The following FOXP2 variants were observed in gnomAD, a reference collection of about 807,000 sequenced individuals.
FOXP2 encodes the protein forkhead box protein P2.
A neutral mutation model predicts 115.8 loss-of-function variants in FOXP2; 12 were observed. The ratio of observed to expected loss-of-function variants is 0.10; its 90% CI spans 0.07 to 0.17. The LOEUF is 0.17. Among genes scored for constraint, FOXP2 ranks in the 10% least tolerant of loss-of-function variants. The pLI, the probability that FOXP2 is intolerant of heterozygous loss-of-function variation, is 1.00. For synonymous variants in FOXP2, 328 were observed against 297.7 expected (o/e 1.10, Z -1.05); for missense variants, 629 against 843.5 (o/e 0.75, Z 3.15).
At position 114,198,090 on chromosome 7, in the gene FOXP2, C is replaced by CTTGGCTCCAGTGA. The variant is rs1213884868; in HGVS notation, c.-102+35004_-102+35016dup. On this transcript the variant is annotated intron_variant, in intron 1 of 17. Transcript: ENST00000634411. ...TGTTACCTAGCCTGGTCTCAAACTCCTTGGCTCCAGTGATCCGCCCATGTC... is the reference window on the plus strand; with the variant it reads ...TGTTACCTAGCCTGGTCTCAAACTCCTTGGCTCCAGTGATTGGCTCCAGTGATCCGCCCATGTC... 2.1e-4 allele frequency among the ~76,000 whole-genome samples: 32 copies of CTTGGCTCCAGTGA among 152,216 alleles called. 1 individual carries two copies. Among genetic ancestry groups the CTTGGCTCCAGTGA allele is most frequent in the African/African-American group, 6.7e-4 (28 of 41,550 alleles).
chr7:114,396,487 T>A (rs1792744496), intron 2 of FOXP2, among the ~76,000 whole-genome samples: 1 of 152,164 alleles, frequency 6.6e-6, no homozygotes, highest in African/African-American at 2.4e-5. Context: ...ACATACTGAT[T>A]TCATTTTCTT....
chr7:114,541,366 G>T (rs80290540), intron 3 of FOXP2, among the ~76,000 whole-genome samples: 12,799 of 151,980 alleles, frequency 0.084, 605 homozygotes, highest in Middle Eastern at 0.16. Flanking sequence ...GAGACAAGAG[G>T]GGACTAGAGC....
In FOXP2 at chr7:114,506,172, C is replaced by G. The variant is rs75121719; in HGVS notation, c.169-28445C>G. On this transcript the variant is annotated intron_variant, in intron 2 of 16. Transcript: ENST00000350908. ...AAAACAGTAATGATTATTGTTTATT[C>G]ATACTAAGGAGACATGAACAATGAC... 5.5e-3 allele frequency among the ~76,000 whole-genome samples: 841 copies of G among 151,706 alleles called. 13 individuals are homozygous for G. Among genetic ancestry groups the G allele is most frequent in the African/African-American group, 0.019 (786 of 41,504 alleles).
chr7:114,339,495 C>T (rs1399955940), intron 2 of FOXP2, among the ~76,000 whole-genome samples: 13 of 150,788 alleles, frequency 8.6e-5, no homozygotes, highest in Middle Eastern at 3.4e-3. Flanking sequence ...CTTTTTCTTT[C>T]GTATGTTTAG....
At chr7:114,121,506 CA>C (rs1791565691) in intron 1 of FOXP2, among the ~76,000 whole-genome samples, 1 of 152,094 alleles carries the variant, frequency 6.6e-6, no homozygotes. Context: ...ACCTAGTTGG[CA>C]GTGGATATAT....
intron 3 of FOXP2, among the ~76,000 whole-genome samples, chr7:114,614,569 C>T (rs558420310): frequency 3.3e-5 from 5 of 151,850 alleles, no homozygotes; most frequent in South Asian, 2.1e-4. Context: ...TTAGGTGGAC[C>T]GCACCTCCTT....
intron 2 of FOXP2, among the ~76,000 whole-genome samples, chr7:114,384,734 CT>C (rs1177707807): frequency 6.6e-6 from 1 of 151,618 alleles, no homozygotes; most frequent in Non-Finnish European, 1.5e-5. Context: ...AGTAAGCTAC[CT>C]TTTTGCTTTT....
chr7:114,524,680 T>A (rs1445217905), intron 2 of FOXP2, among the ~76,000 whole-genome samples: 1 of 152,174 alleles, frequency 6.6e-6, no homozygotes, highest in Non-Finnish European at 1.5e-5. Flanking sequence ...CACTTAATCA[T>A]TAATTTTTCT....
At chr7:114,163,200 A>T (rs1478037277) in intron 1 of FOXP2, 1 of 152,124 alleles carries the variant, frequency 6.6e-6, no homozygotes, top group Non-Finnish European at 1.5e-5. Context: ...TCTACAAAAT[A>T]TGCAGGTGTT....
At chr7:114,468,033 A>G (rs534148256) in intron 2 of FOXP2, among the ~76,000 whole-genome samples, 2 of 152,224 alleles carry the variant, frequency 1.3e-5, no homozygotes, top group South Asian at 2.1e-4. Context: ...CAATGTATAC[A>G]TATGTTAATG....
upstream of FOXP2, among the ~76,000 whole-genome samples, chr7:114,161,654 G>GCATATATATATATATATATATATA (rs1554424363): frequency 2.6e-5 from 4 of 151,436 alleles, no homozygotes; most frequent in African/African-American, 9.8e-5. Flanking sequence ...GTGTGTGCGT[G>GCATATATATATATATATATATATA]TATATATATA....
chr7:114,683,365 G>A lies in FOXP2; in HGVS notation c.2004-6417G>A, dbSNP rs72603576. Among the ~76,000 whole-genome samples the A allele has an allele frequency of 0.033, 5,063 of 152,218 alleles. 425 individuals carry two copies. The East Asian group carries it at 0.35, about 10-fold the overall frequency. ...CAGTGCATGTGATTAAGGCAATATG[G>A]GGTAGCAGAAATAACAAGGTTCCAA... On this transcript the variant is annotated intron_variant, in intron 16 of 16. Coordinates refer to ENST00000350908, the MANE Select transcript of FOXP2 (RefSeq NM_014491.4).
Position 114,580,740 on chromosome 7 carries a change from T to C in FOXP2, c.258+46034T>C, listed in dbSNP as rs1353471268. On this transcript the variant is annotated intron_variant, in intron 3 of 16. Transcript: ENST00000350908. ...TGTATTTGGCAGGTTGTGACCCTGG[T>C]GATACCTAAAACACAAAAATAGCAA... is the stretch of plus-strand genomic sequence containing the variant. Among the ~76,000 whole-genome samples the C allele has an allele frequency of 3.9e-5, 6 of 152,192 alleles. No homozygotes were observed. The East Asian group carries it at 5.8e-4, about 15-fold the overall frequency.
intron 1 of FOXP2, among the ~76,000 whole-genome samples, chr7:114,156,965 G>C (rs1792688704): frequency 6.6e-6 from 1 of 152,048 alleles, no homozygotes; most frequent in Admixed American, 6.6e-5. Flanking sequence ...TTTTATAAAA[G>C]CCAATGACTT....
intron 2 of FOXP2, among the ~76,000 whole-genome samples, chr7:114,330,072 A>G (rs747696714): frequency 1.3e-5 from 2 of 152,086 alleles, no homozygotes; most frequent in Non-Finnish European, 2.9e-5. Context: ...TTTCATCACA[A>G]TGAGTAATTC....
chr7:114,642,507 C>A lies in FOXP2; in HGVS notation c.873C>A (p.Leu291=). ...GCATTAAACATGGAGGGCTAGACCT[C>A]ACTACTAACAATTCCTCCTCGACTA... is the stretch of plus-strand genomic sequence containing the variant. ...DNGIKHGGLD[L]TTNNSSSTTS... Residue 291 remains leucine (L), a synonymous_variant, in exon 7 of 17, where the codon CTC becomes CTA. Coordinates refer to ENST00000350908, the MANE Select transcript of FOXP2 (RefSeq NM_014491.4). 6.2e-7 allele frequency: 1 copy of A among 1,613,820 alleles called. No homozygotes were observed. Among genetic ancestry groups the A allele is most frequent in the East Asian group, 2.2e-5 (1 of 44,826 alleles).
chr7:114,262,045 C>T (rs921762971), intron 1 of FOXP2, among the ~76,000 whole-genome samples: 5 of 151,642 alleles, frequency 3.3e-5, no homozygotes, highest in Non-Finnish European at 7.4e-5. Context: ...GTGATAAGAG[C>T]GAGACTCTGT....
At chr7:114,395,349 T>C (rs1792711648) in intron 2 of FOXP2, among the ~76,000 whole-genome samples, 1 of 152,116 alleles carries the variant, frequency 6.6e-6, no homozygotes, top group African/African-American at 2.4e-5. Context: ...TGAGAAAAAT[T>C]ATATTAAGTG....
chr7:114,177,638 A>T (rs944623034), intron 1 of FOXP2, among the ~76,000 whole-genome samples: 1 of 151,960 alleles, frequency 6.6e-6, no homozygotes. Flanking sequence ...GGGATGTATG[A>T]GTTTTAGACA....
Sources: allele counts gnomAD v4.1 joint callset (sites outside exome capture counted in the v4.1 genomes callset), GRCh38; gene constraint gnomAD v4.1.1; transcripts MANE v1.5; gene names NCBI Gene and HGNC (gene_info 2026-07-23, HGNC 2026-07-21).